COL4A1: variants seen among roughly 807,000 people sequenced by gnomAD.
COL4A1 encodes collagen type IV alpha 1 chain.
COL4A1 carries 40 observed loss-of-function variants against 216.6 expected under a neutral mutation model. The observed-to-expected ratio is 0.18, with a 90% CI of 0.14 to 0.24. COL4A1 has a LOEUF of 0.24. COL4A1 is among the 10% of genes least tolerant of loss of function. COL4A1 has a pLI of 1.00. For synonymous variants in COL4A1, 839 were observed against 810.7 expected, an observed-to-expected ratio of 1.03 and a Z score of -0.59; for missense variants, 1,628 against 2,196.8, an observed-to-expected ratio of 0.74 and a Z score of 5.18.
intron 22 of COL4A1, among the ~76,000 whole-genome samples, chr13:110,194,710 T>C (rs369351611): frequency 1.4e-4 from 22 of 152,284 alleles, no homozygotes; most frequent in African/African-American, 5.3e-4. Flanking sequence ...AATGGAAAGA[T>C]TGCGGTAACA....
At chr13:110,253,808 TA>T (rs1882383238) in intron 1 of COL4A1, among the ~76,000 whole-genome samples, 1 of 140,950 alleles carries the variant, frequency 7.1e-6, no homozygotes, top group African/African-American at 2.5e-5. Context: ...TATATATGTA[TA>T]ATTATACGTA....
chr13:110,259,378 AAAGTATTTCATT>A (rs1398143184), intron 1 of COL4A1, among the ~76,000 whole-genome samples: 1 of 152,238 alleles, frequency 6.6e-6, no homozygotes, highest in Non-Finnish European at 1.5e-5. Flanking sequence ...AAACAAACTG[AAAGTATTTCATT>A]AACAATACTA....
intron 1 of COL4A1, among the ~76,000 whole-genome samples, chr13:110,272,442 A>G (rs1883277857): frequency 6.6e-6 from 1 of 152,176 alleles, no homozygotes; most frequent in Admixed American, 6.5e-5. Flanking sequence ...AAACACCTCA[A>G]CCCACAGAGC....
chr13:110,160,036 T>TA (rs1224457124), intron 49 of COL4A1, among the ~76,000 whole-genome samples: 1 of 152,212 alleles, frequency 6.6e-6, no homozygotes, highest in Non-Finnish European at 1.5e-5. Context: ...GCGGTGATGG[T>TA]AAAACAACAC....
At chr13:110,240,718 G>A (rs1244684238) in intron 2 of COL4A1, among the ~76,000 whole-genome samples, 1 of 152,270 alleles carries the variant, frequency 6.6e-6, no homozygotes, top group Non-Finnish European at 1.5e-5. Flanking sequence ...AGTGGAAGCG[G>A]CTTGGCTCTG....
chr13:110,174,662 G>C lies in COL4A1; in HGVS notation c.3286C>G (p.Pro1096Ala). Residue 1096 changes from proline to alanine, a missense_variant, in exon 38 of 52, where the codon CCA (proline) becomes GCA (alanine). Pro to Ala is a conservative substitution (Grantham distance 27). This residue lies in a region of COL4A1 where 345 missense variants were observed against 476.9 expected (regional missense o/e 0.72). Coordinates refer to ENST00000375820, the MANE Select transcript of COL4A1 (RefSeq NM_001845.6). ...SIGIPGMPGS[P>A]GLKGSPGSVG... ...CTCCCGGGAGACCCTTTAAGGCCTG[G>C]GGACCCTGGCATTCCTGGGATCCCA... The C allele has an allele frequency of 6.2e-7, 1 of 1,614,066 alleles. No homozygotes were observed. The highest frequency in any genetic ancestry group is 8.5e-7 in the Non-Finnish European group (1 of 1,179,986).
At chr13:110,249,391 G>A (rs564516791) in intron 1 of COL4A1, among the ~76,000 whole-genome samples, 4 of 152,070 alleles carry the variant, frequency 2.6e-5, no homozygotes, top group Non-Finnish European at 2.9e-5. Flanking sequence ...ATCCACAATC[G>A]CCCCAGCTGG....
At chr13:110,219,083 T>G (rs1433536487) in intron 2 of COL4A1, among the ~76,000 whole-genome samples, 1 of 151,950 alleles carries the variant, frequency 6.6e-6, no homozygotes, top group African/African-American at 2.4e-5. Flanking sequence ...CTGCGGTGGG[T>G]GCCGCGGGGT....
chr13:110,287,185 C>T (rs1392501967), intron 1 of COL4A1, among the ~76,000 whole-genome samples: 2 of 152,220 alleles, frequency 1.3e-5, no homozygotes, highest in Non-Finnish European at 2.9e-5. Flanking sequence ...CACTTTTCCC[C>T]ACTATGTGTC....
intron 2 of COL4A1, among the ~76,000 whole-genome samples, chr13:110,232,485 T>C (rs942613649): frequency 9.2e-5 from 14 of 152,106 alleles, no homozygotes; most frequent in African/African-American, 3.1e-4. Context: ...AGGAGGAAAA[T>C]CCCATTGCCC....
chr13:110,201,011 T>C, intron 19 of COL4A1, 122 bp from the exon 20 acceptor site: 1 of 1,100,848 alleles, frequency 9.1e-7, no homozygotes, highest in Admixed American at 1.9e-5. Context: ...AAAGGGAACG[T>C]AGAAAACAGA....
chr13:110,241,085 G>A (rs1372469802), intron 2 of COL4A1, among the ~76,000 whole-genome samples: 1 of 152,170 alleles, frequency 6.6e-6, no homozygotes, highest in Admixed American at 6.5e-5. Flanking sequence ...GGCCAGGATG[G>A]TCTCAAACTC....
intron 37 of COL4A1, among the ~76,000 whole-genome samples, 192 bp from the exon 38 acceptor site, chr13:110,174,941 C>A (rs1216582833): frequency 1.3e-5 from 2 of 152,194 alleles, no homozygotes; most frequent in East Asian, 3.8e-4. Flanking sequence ...TAGAGCCAAC[C>A]ATCTGGTTTC....
At chr13:110,246,733 T>C (rs1000831847) in intron 1 of COL4A1, among the ~76,000 whole-genome samples, 1 of 152,202 alleles carries the variant, frequency 6.6e-6, no homozygotes, top group African/African-American at 2.4e-5. Context: ...CCATACCATC[T>C]GTTTCAGATT....
Position 110,170,743 on chromosome 13 carries a change from A to G in COL4A1, c.3557-11T>C. ...CCTCACCCTTTGAACCTGAACAAGA[A>G]AAACAGTTTGAGGTGATGGGAAACG... On this transcript the variant is annotated splice_polypyrimidine_tract_variant and intron_variant, in intron 41 of 51. Transcript: ENST00000375820. 6.2e-7 allele frequency: 1 copy of G among 1,614,124 alleles called. No individual in the cohort carries two copies. Among genetic ancestry groups the G allele is most frequent in the Non-Finnish European group, 8.5e-7 (1 of 1,180,008 alleles).
chr13:110,297,524 T>G (rs1884323244), intron 1 of COL4A1, among the ~76,000 whole-genome samples: 1 of 152,176 alleles, frequency 6.6e-6, no homozygotes, highest in African/African-American at 2.4e-5. Flanking sequence ...ATAAATTTAT[T>G]TTTATTAATT....
chr13:110,256,764 T>C (rs2139271910), intron 1 of COL4A1, among the ~76,000 whole-genome samples: 1 of 152,230 alleles, frequency 6.6e-6, no homozygotes, highest in Middle Eastern at 3.4e-3. Context: ...TATCCGATAC[T>C]TTCAGCAACA....
intron 15 of COL4A1, among the ~76,000 whole-genome samples, chr13:110,205,844 C>CA (rs1879486486): frequency 6.6e-6 from 1 of 151,898 alleles, no homozygotes; most frequent in African/African-American, 2.4e-5. Flanking sequence ...GCCTGGGCAA[C>CA]AGAGTGAGAC....
At chr13:110,182,580 C>G (rs945913050) in intron 28 of COL4A1, among the ~76,000 whole-genome samples, 1 of 152,168 alleles carries the variant, frequency 6.6e-6, no homozygotes, top group Admixed American at 6.5e-5. Flanking sequence ...GCTCTAACAC[C>G]GGTAGGACTC....
Sources: allele counts gnomAD v4.1 joint callset (sites outside exome capture counted in the v4.1 genomes callset), GRCh38; gene constraint gnomAD v4.1.1; regional missense constraint gnomAD v4.1.1; transcripts MANE v1.5; gene names NCBI Gene and HGNC (gene_info 2026-07-23, HGNC 2026-07-21).